CARMIL2: variants seen among roughly 807,000 people sequenced by gnomAD.
CARMIL2 encodes capping protein regulator and myosin 1 linker 2, also known as capping protein, Arp2/3 and myosin-I linker protein 2.
A neutral mutation model predicts 173.3 loss-of-function variants in CARMIL2; 96 were observed. That is an observed-to-expected ratio of 0.55 (90% CI 0.47 to 0.66). The LOEUF (loss-of-function observed/expected upper bound fraction) is 0.66. CARMIL2 is among the 30% of genes least tolerant of loss of function. CARMIL2 has a pLI of 0.00. For missense variants in CARMIL2, 1,771 were observed against 1,906.7 expected, an observed-to-expected ratio of 0.93 and a Z score of 1.33; for synonymous variants, 830 against 817.1, an observed-to-expected ratio of 1.02 and a Z score of -0.27.
At position 67,649,093 on chromosome 16, in the gene CARMIL2, G is replaced by C. The variant is rs1293292389; in HGVS notation, c.1609G>C (p.Val537Leu). Residue 537 changes from valine to leucine, a missense_variant, in exon 18 of 38, where the codon GTG becomes CTG. This residue lies in a region of CARMIL2 where 944 missense variants were observed against 975.6 expected (regional missense o/e 0.97). Coordinates refer to ENST00000334583, the MANE Select transcript of CARMIL2 (RefSeq NM_001013838.3). This position sits in a 1 kb window ranked among gnomAD's most constrained non-coding sequence, Gnocchi z 6.7. ...ACCCCCAGGCTTCGGCTCAGACATG[G>C]TGACTCTGGTGCTGGCCATCGGGAG... ...LADNGFGSDM[V>L]TLVLAIGRSR... 6.2e-7 allele frequency: 1 copy of C among 1,613,096 alleles called. No homozygotes were observed. Among genetic ancestry groups the C allele is most frequent in the Non-Finnish European group, 8.5e-7 (1 of 1,179,660 alleles).
At chr16:67,645,425 C>T in intron 1 of CARMIL2, 115 bp from the exon 2 acceptor site, 2 of 1,354,578 alleles carry the variant, frequency 1.5e-6, no homozygotes, top group East Asian at 2.5e-5. Context: ...AGATCCTCTC[C>T]CCTCCTTCCT....
Position 67,654,718 on chromosome 16 carries a change from G to A in CARMIL2, c.3582+26G>A, listed in dbSNP as rs1597758564. 1.9e-6 allele frequency: 3 copies of A among 1,603,442 alleles called. No homozygotes were observed. The African/African-American group carries it at 4.0e-5, about 21-fold the overall frequency. On this transcript the variant is annotated intron_variant, in intron 31 of 37. Transcript: ENST00000334583. ...GTGAGGCTTGCTGATGGGGGGTGGT[G>A]AAGGCGCTTCTGGGACCCAGGGCGC...
Position 67,647,779 on chromosome 16 carries a change from A to AGGGAGGGGGTGAG in CARMIL2, c.958+23_958+35dup, listed in dbSNP as rs1567628304. 1.2e-5 allele frequency: 4 copies of AGGGAGGGGGTGAG among 337,694 alleles called. No homozygotes were observed. Among genetic ancestry groups the AGGGAGGGGGTGAG allele is most frequent in the Non-Finnish European group, 1.7e-5 (4 of 230,942 alleles). 20.9% of individuals were successfully genotyped at this position (337,694 alleles called of 1,614,324 possible). On this transcript the variant is annotated intron_variant, in intron 12 of 37. Transcript: ENST00000334583. ...TTGACACCGCGAGGTAGGCTGGATG[A>AGGGAGGGGGTGAG]GGGAGGGGGTGAGGGGAGGGGGGTG...
In CARMIL2 at chr16:67,648,446, G is replaced by C. The variant is rs1460268435; in HGVS notation, c.1383G>C (p.Ala461=). The C allele has an allele frequency of 6.8e-7, 1 of 1,468,880 alleles. No individual in the cohort carries two copies. The highest frequency in any genetic ancestry group is 1.4e-5 in the African/African-American group (1 of 68,978). The allele number at this position is 1,468,880 out of a possible 1,614,324, so 91.0% of individuals were successfully genotyped here. ...PAALQLFLSR[A]RTLRHLGLAG... is the part of the protein sequence containing the mutation. ...CGCTGCAGCTCTTCCTCAGCCGCGC[G>C]CGGACGCTGCGGCACCTGGGCCTGG... The change falls in exon 15 of 38, where the codon GCG becomes GCC. Residue 461 remains alanine (A), a synonymous_variant. Transcript: ENST00000334583. The surrounding 1 kb of genome is among the most constrained non-coding windows in gnomAD (Gnocchi z 6.1).
At position 67,657,292 on chromosome 16, in the gene CARMIL2, G is replaced by A. The variant is rs2052883454; in HGVS notation, c.4171G>A (p.Glu1391Lys). The change falls in exon 37 of 38, where the codon GAG becomes AAG. Residue 1391 changes from glutamate (E) to lysine (K), a missense_variant. Physicochemically the swap from Glu to Lys is moderately conservative, Grantham distance 56. Coordinates refer to ENST00000334583, the MANE Select transcript of CARMIL2 (RefSeq NM_001013838.3). The surrounding 1 kb of genome is among the most constrained non-coding windows in gnomAD (Gnocchi z 4.5). ...CGTCCTCAAACGCAGGCCAAAACTCGAGGCACCTCCATCCCCAAGCCTAGG... is the reference window on the plus strand; with the variant it reads ...CGTCCTCAAACGCAGGCCAAAACTCAAGGCACCTCCATCCCCAAGCCTAGG... ...SPVLKRRPKL[E>K]APPSPSLGSG... is the part of the protein sequence containing the mutation. 2.5e-6 allele frequency: 4 copies of A among 1,613,738 alleles called. No homozygotes were observed. Among genetic ancestry groups the A allele is most frequent in the Non-Finnish European group, 2.5e-6 (3 of 1,179,818 alleles).
In CARMIL2 at chr16:67,646,422, C is replaced by A. The variant is rs753324171; in HGVS notation, c.375-4C>A. 2 of 1,613,126 alleles carry A rather than the reference C, an allele frequency of 1.2e-6. No homozygotes were observed. Among genetic ancestry groups the A allele is most frequent in the Non-Finnish European group, 1.7e-6 (2 of 1,179,550 alleles). ...TTGCCCCCTTCTCCTTAACCCCCTA[C>A]CAGGAAGCTATTCCGGAGGCCCACA... On this transcript the variant is annotated splice_polypyrimidine_tract_variant and splice_region_variant and intron_variant, in intron 5 of 37. Coordinates refer to ENST00000334583, the MANE Select transcript of CARMIL2 (RefSeq NM_001013838.3). This position sits in a 1 kb window ranked among gnomAD's most constrained non-coding sequence, Gnocchi z 4.6.
chr16:67,656,072 G>A lies in CARMIL2; in HGVS notation c.3742+5G>A. 1 of 1,605,938 alleles carries A rather than the reference G, an allele frequency of 6.2e-7. No individual in the cohort carries two copies. Among genetic ancestry groups the A allele is most frequent in the Non-Finnish European group, 8.5e-7 (1 of 1,176,116 alleles). The stretch of plus-strand genomic sequence containing the variant: ...TCAAGAAAGCTGGCTCAGATGGTAA[G>A]TGGGACCCTGGGGTGTGGCAGTACA... On this transcript the variant is annotated splice_donor_5th_base_variant and intron_variant, in intron 33 of 37. Transcript: ENST00000334583.
chr16:67,657,055 G>A lies in CARMIL2; in HGVS notation c.4117+174G>A. The A allele has an allele frequency of 1.3e-6, 1 of 759,126 alleles. No individual in the cohort carries two copies. The highest frequency in any genetic ancestry group is 2.2e-6 in the Non-Finnish European group (1 of 462,878). 47.0% of individuals were successfully genotyped at this position (759,126 alleles called of 1,614,324 possible). On this transcript the variant is annotated intron_variant, in intron 36 of 37. Transcript: ENST00000334583. This position sits in a 1 kb window ranked among gnomAD's most constrained non-coding sequence, Gnocchi z 4.5. Reference sequence around the variant, plus strand: ...GTTTGACAGCAAGCCCTTCCAACTAGCACTGGCTCCACTTCCCGAAGAGCA... The same window carrying A: ...GTTTGACAGCAAGCCCTTCCAACTAACACTGGCTCCACTTCCCGAAGAGCA...
Position 67,649,536 on chromosome 16 carries a change from C to A in CARMIL2, c.1836C>A (p.Thr612=), listed in dbSNP as rs1002136455. The change falls in exon 20 of 38, where the codon ACC becomes ACA. Residue 612 remains threonine, a synonymous_variant. Coordinates refer to ENST00000334583, the MANE Select transcript of CARMIL2 (RefSeq NM_001013838.3). This position sits in a 1 kb window ranked among gnomAD's most constrained non-coding sequence, Gnocchi z 6.7. ...CCCTAGCCACCAATCCTAACCTGAC[C>A]GCGCTGGATATCAGCGGCAACGCCA... is the stretch of plus-strand genomic sequence containing the variant. The part of the protein sequence containing the change: ...LRALATNPNL[T]ALDISGNAMG... The A allele has an allele frequency of 1.9e-6, 3 of 1,606,364 alleles. No homozygotes were observed. Among genetic ancestry groups the A allele is most frequent in the Non-Finnish European group, 2.5e-6 (3 of 1,179,850 alleles).
In CARMIL2 at chr16:67,651,825, A is replaced by G. The variant is rs1416825690; in HGVS notation, c.2568A>G (p.Gln856=). The change falls in exon 25 of 38, where the codon CAA becomes CAG. Residue 856 remains glutamine, a synonymous_variant. Coordinates refer to ENST00000334583, the MANE Select transcript of CARMIL2 (RefSeq NM_001013838.3). This position sits in a 1 kb window ranked among gnomAD's most constrained non-coding sequence, Gnocchi z 4.2. ...LPELLPEQLL[Q]DAFTRLRDMR... ...AGCTGCTCCCAGAGCAGCTGCTGCA[A>G]GATGCCTTCACTAGGCTCAGGTAGG... The G allele has an allele frequency of 1.9e-6, 3 of 1,612,320 alleles. No individual in the cohort carries two copies. The highest frequency in any genetic ancestry group is 2.5e-6 in the Non-Finnish European group (3 of 1,179,582).
chr16:67,645,572 G>C lies in CARMIL2; in HGVS notation c.73G>C (p.Val25Leu). 6.2e-7 allele frequency: 1 copy of C among 1,611,562 alleles called. No individual in the cohort carries two copies. Among genetic ancestry groups the C allele is most frequent in the East Asian group, 2.2e-5 (1 of 44,820 alleles). The stretch of plus-strand genomic sequence containing the variant: ...CACCAGGTTCCTGTGGCCCAAAGAG[G>C]TGGAGCTGCTGCTGAAAACCTGGCT... ...EITRFLWPKEVELLLKTWLPG... is the reference protein window; with the variant it reads ...EITRFLWPKELELLLKTWLPG... The change falls in exon 2 of 38, where the codon GTG (valine) becomes CTG (leucine). Residue 25 changes from valine to leucine, a missense_variant. By Grantham distance (32) the Val-to-Leu change is conservative. This residue lies in a region of CARMIL2 where 944 missense variants were observed against 975.6 expected (regional missense o/e 0.97). Coordinates refer to ENST00000334583, the MANE Select transcript of CARMIL2 (RefSeq NM_001013838.3).
chr16:67,651,426 G>A lies in CARMIL2; in HGVS notation c.2339G>A (p.Gly780Glu). 2.5e-6 allele frequency: 4 copies of A among 1,592,106 alleles called. No homozygotes were observed. Among genetic ancestry groups the A allele is most frequent in the Non-Finnish European group, 3.4e-6 (4 of 1,167,158 alleles). Reference sequence around the variant, plus strand: ...ATTCTCCCCATTCTATATGAAGCTGGAAGCTCCCCAAGCCATCACTGGCAG... The same window carrying A: ...ATTCTCCCCATTCTATATGAAGCTGAAAGCTCCCCAAGCCATCACTGGCAG... ...LSILPILYEA[G>E]SSPSHHWQLG... Residue 780 changes from glycine (G) to glutamate (E), a missense_variant, in exon 24 of 38, where the codon GGA (glycine) becomes GAA (glutamate). Physicochemically the swap from Gly to Glu is moderately conservative, Grantham distance 98. Transcript: ENST00000334583. This position sits in a 1 kb window ranked among gnomAD's most constrained non-coding sequence, Gnocchi z 4.2.
In CARMIL2 at chr16:67,647,933, C is replaced by G. The variant is rs376307876; in HGVS notation, c.1046C>G (p.Ala349Gly). Residue 349 changes from alanine to glycine, a missense_variant, in exon 13 of 38, where the codon GCG becomes GGG. Physicochemically the swap from Ala to Gly is moderately conservative, Grantham distance 60 (BLOSUM62 0). This residue lies in a region of CARMIL2 where 944 missense variants were observed against 975.6 expected (regional missense o/e 0.97). Coordinates refer to ENST00000334583, the MANE Select transcript of CARMIL2 (RefSeq NM_001013838.3). ...THLDLSGNPG[A>G]LGASEDSGGL... is the part of the protein sequence containing the mutation. The stretch of plus-strand genomic sequence containing the variant: ...CTGGACCTTTCTGGGAATCCTGGGG[C>G]GCTGGGGGCCTCCGAGGACAGTGGG... The G allele has an allele frequency of 2.3e-5, 37 of 1,609,540 alleles. No individual in the cohort carries two copies. The highest frequency in any genetic ancestry group is 3.0e-5 in the Non-Finnish European group (35 of 1,177,872).
At position 67,656,836 on chromosome 16, in the gene CARMIL2, C is replaced by T. The variant is rs957781186; in HGVS notation, c.4072C>T (p.Arg1358Trp). The change falls in exon 36 of 38, where the codon CGG becomes TGG. Residue 1358 changes from arginine (R) to tryptophan (W), a missense_variant. Arg to Trp is a moderately radical substitution (Grantham distance 101). Coordinates refer to ENST00000334583, the MANE Select transcript of CARMIL2 (RefSeq NM_001013838.3). The part of the protein sequence containing the change: ...QLRPRPLSAG[R>W]RAVSVHEDQL... ...GAGGCCGAGGCCTCTCTCGGCAGGG[C>T]GGCGAGCAGTGTCTGTGCATGAGGA... The T allele has an allele frequency of 2.3e-5, 35 of 1,550,494 alleles. No homozygotes were observed. Among genetic ancestry groups the T allele is most frequent in the Non-Finnish European group, 2.9e-5 (33 of 1,146,862 alleles).
Position 67,657,299 on chromosome 16 carries a change from C to T in CARMIL2, c.4178C>T (p.Pro1393Leu). The change falls in exon 37 of 38, where the codon CCT becomes CTT. Residue 1393 changes from proline (P) to leucine (L), a missense_variant. By Grantham distance (98) the Pro-to-Leu change is moderately conservative. Coordinates refer to ENST00000334583, the MANE Select transcript of CARMIL2 (RefSeq NM_001013838.3). The surrounding 1 kb of genome is among the most constrained non-coding windows in gnomAD (Gnocchi z 4.5). ...AAACGCAGGCCAAAACTCGAGGCAC[C>T]TCCATCCCCAAGCCTAGGTAAGAGG... is the stretch of plus-strand genomic sequence containing the variant. ...VLKRRPKLEA[P>L]PSPSLGSGLG... The T allele has an allele frequency of 6.2e-7, 1 of 1,613,782 alleles. No homozygotes were observed. The highest frequency in any genetic ancestry group is 8.5e-7 in the Non-Finnish European group (1 of 1,179,822).
chr16:67,656,717 T>A, intron 35 of CARMIL2, 72 bp downstream of exon 35: 1 of 1,560,946 alleles, frequency 6.4e-7, no homozygotes, highest in South Asian at 1.1e-5. Context: ...GGAACTCAGC[T>A]CCTCTAAGGA....
chr16:67,649,508 G>A lies in CARMIL2; in HGVS notation c.1808G>A (p.Arg603Gln), dbSNP rs776235273. 2 of 1,608,920 alleles carry A rather than the reference G, an allele frequency of 1.2e-6. No individual in the cohort carries two copies. Among genetic ancestry groups the A allele is most frequent in the South Asian group, 1.1e-5 (1 of 91,072 alleles). ...AAGCTGGGTGCCAGCGTCCTACTCC[G>A]GGCCCTAGCCACCAATCCTAACCTG... ...RLKLGASVLL[R>Q]ALATNPNLTA... The change falls in exon 20 of 38, where the codon CGG (arginine) becomes CAG (glutamine). Residue 603 changes from arginine to glutamine, a missense_variant. Physicochemically the swap from Arg to Gln is conservative, Grantham distance 43. Coordinates refer to ENST00000334583, the MANE Select transcript of CARMIL2 (RefSeq NM_001013838.3). This position sits in a 1 kb window ranked among gnomAD's most constrained non-coding sequence, Gnocchi z 6.7.
chr16:67,656,302 G>A lies in CARMIL2; in HGVS notation c.3814+3G>A. On this transcript the variant is annotated splice_donor_region_variant and intron_variant, in intron 34 of 37. Coordinates refer to ENST00000334583, the MANE Select transcript of CARMIL2 (RefSeq NM_001013838.3). ...CCGCACCCACTCTGTGTCTGCTGGT[G>A]AGTGAGGGCCACTGTGTGTGTTGGT... 1 of 1,613,958 alleles carries A rather than the reference G, an allele frequency of 6.2e-7. No homozygotes were observed. The highest frequency in any genetic ancestry group is 2.2e-5 in the East Asian group (1 of 44,890).
Position 67,651,894 on chromosome 16 carries a change from T to G in CARMIL2, c.2589-27T>G, listed in dbSNP as rs772454942. Reference sequence around the variant, plus strand: ...GGCAAGGCTGAGCAAAGCCAGCCCATTAACCCCTGTCCTCTCCTGCCCTTA... The same window carrying G: ...GGCAAGGCTGAGCAAAGCCAGCCCAGTAACCCCTGTCCTCTCCTGCCCTTA... On this transcript the variant is annotated intron_variant, in intron 25 of 37. Coordinates refer to ENST00000334583, the MANE Select transcript of CARMIL2 (RefSeq NM_001013838.3). This position sits in a 1 kb window ranked among gnomAD's most constrained non-coding sequence, Gnocchi z 4.2. 1 of 1,613,134 alleles carries G rather than the reference T, an allele frequency of 6.2e-7. No individual in the cohort carries two copies. Among genetic ancestry groups the G allele is most frequent in the South Asian group, 1.1e-5 (1 of 91,082 alleles).
Sources: allele counts gnomAD v4.1 joint callset, GRCh38; gene constraint gnomAD v4.1.1; regional missense constraint gnomAD v4.1.1; non-coding constraint Gnocchi (gnomAD v3.1); transcripts MANE v1.5; gene names NCBI Gene and HGNC (gene_info 2026-07-23, HGNC 2026-07-21).